The following GRHL3 variants were observed in gnomAD, a reference collection of about 807,000 sequenced individuals.
The protein encoded by GRHL3 is grainyhead-like protein 3 homolog.
In GRHL3, 20 loss-of-function variants were observed where a neutral mutation model predicts 70.3. That is an observed-to-expected ratio of 0.28 (90% CI 0.20 to 0.41). The LOEUF (loss-of-function observed/expected upper bound fraction) is 0.41. Among genes scored for constraint, GRHL3 ranks in the 10% least tolerant of loss-of-function variants. The pLI is 1.00. For synonymous variants in GRHL3, 299 were observed against 299.9 expected (o/e 1.00, Z 0.03); for missense variants, 637 against 762.3 (o/e 0.84, Z 1.94).
rs61772770 is a variant in GRHL3 at position 24,342,574 on chromosome 1, C to T, written c.1207-120C>T. On this transcript the variant is annotated intron_variant, in intron 9 of 15. Transcript: ENST00000361548. This position sits in a 1 kb window ranked among gnomAD's most constrained non-coding sequence, Gnocchi z 4.8. ...TGCTGGTACCTTCCCATTTCCTGGT[C>T]TTGTTCTGGAAAAAAGAAGGACCAG... The T allele has an allele frequency of 1.3e-5, 13 of 1,007,866 alleles. No homozygotes were observed. Among genetic ancestry groups the T allele is most frequent in the Non-Finnish European group, 2.0e-5 (13 of 647,030 alleles). 62.4% of individuals were successfully genotyped at this position (1,007,866 alleles called of 1,614,324 possible). A position where few individuals can be genotyped will look rare whatever the true frequency, so the allele number is the denominator to read the frequency against.
Position 24,342,720 on chromosome 1 carries a change from C to T in GRHL3, c.1233C>T (p.Asp411=), listed in dbSNP as rs140971496. ...DKGAERKMRD[D]ERKQFRRKVK... ...GAGCTGAGAGGAAGATGCGCGATGA[C>T]GAGCGGAAGCAGTTCCGGAGGAAGG... Residue 411 remains aspartate, a synonymous_variant, in exon 10 of 16, where the codon GAC becomes GAT. Transcript: ENST00000361548. This position sits in a 1 kb window ranked among gnomAD's most constrained non-coding sequence, Gnocchi z 4.8. 2.5e-5 allele frequency: 41 copies of T among 1,614,198 alleles called. No individual in the cohort carries two copies. The highest frequency in any genetic ancestry group is 8.3e-5 in the Admixed American group (5 of 60,030).
intron 2 of GRHL3, among the ~76,000 whole-genome samples, chr1:24,333,430 C>T (rs955801615): frequency 1.3e-5 from 2 of 152,168 alleles, no homozygotes; most frequent in African/African-American, 4.8e-5. Flanking sequence ...GCTTTGGAGG[C>T]TATGCTGGGT....
At chr1:24,330,982 G>A (rs1569866141) in intron 1 of GRHL3, among the ~76,000 whole-genome samples, 3 of 152,218 alleles carry the variant, frequency 2.0e-5, no homozygotes, top group Non-Finnish European at 2.9e-5. Context: ...AATGATCTAC[G>A]CCTTCTGTGC....
In GRHL3 at chr1:24,344,916, C is replaced by A. The variant is rs142369311; in HGVS notation, c.1439C>A (p.Pro480His). The A allele has an allele frequency of 8.3e-3, 13,423 of 1,613,544 alleles. 72 individuals are homozygous for A. Among genetic ancestry groups the A allele is most frequent in the Middle Eastern group, 0.019 (117 of 6,054 alleles). ...TTGCAGGCAGCCCCCTCGGCAGGACCCAGCAGCTCCAACAGGTATGGAGAG... is the reference window on the plus strand; with the variant it reads ...TTGCAGGCAGCCCCCTCGGCAGGACACAGCAGCTCCAACAGGTATGGAGAG... ...RSGGAAPSAG[P>H]SSSNRLPLKR... The change falls in exon 12 of 16, where the codon CCC (proline) becomes CAC (histidine). Residue 480 changes from proline to histidine, a missense_variant. Around this residue, in one of 2 missense-constraint regions of GRHL3, gnomAD observed 387 missense variants for 513.8 expected, o/e 0.75. Transcript: ENST00000361548.
At chr1:24,324,783 C>T (rs1271228452) in intron 1 of GRHL3, among the ~76,000 whole-genome samples, 3 of 152,106 alleles carry the variant, frequency 2.0e-5, no homozygotes, top group Non-Finnish European at 4.4e-5. Flanking sequence ...GACCTGGAAC[C>T]CAGGTCTGCA....
downstream of GRHL3, chr1:24,357,768 T>C (rs1640817107): frequency 5.2e-6 from 1 of 192,726 alleles, no homozygotes; most frequent in Admixed American, 5.3e-5. Context: ...TCCCTCCACA[T>C]AGAGAGACGA....
chr1:24,362,238 T>G (rs1641170474), intron 15 of GRHL3, among the ~76,000 whole-genome samples: 1 of 152,234 alleles, frequency 6.6e-6, no homozygotes, highest in Non-Finnish European at 1.5e-5. Flanking sequence ...ACCCAAGTGA[T>G]GTCTTCTTCA....
intron 15 of GRHL3, 115 bp from the exon 16 acceptor site, chr1:24,354,259 G>C: frequency 1.5e-6 from 1 of 663,522 alleles, no homozygotes; most frequent in Non-Finnish European, 2.7e-6. Context: ...TTTGTGAGGT[G>C]CCTAAAATGT....
At chr1:24,350,650 T>C (rs1302560875) in intron 15 of GRHL3, among the ~76,000 whole-genome samples, 1 of 152,148 alleles carries the variant, frequency 6.6e-6, no homozygotes, top group Non-Finnish European at 1.5e-5. Context: ...AACAAAGTTG[T>C]TACTGACAGA....
chr1:24,364,206 A>T, exon 16 of GRHL3: 1 of 1,537,634 alleles, frequency 6.5e-7, no homozygotes, highest in Non-Finnish European at 8.8e-7. Flanking sequence ...TCCTCCACCC[A>T]CGCCTGTCTC....
chr1:24,343,297 C>T (rs1640123204), intron 11 of GRHL3: 1 of 427,960 alleles, frequency 2.3e-6, no homozygotes. Context: ...TGATATCTGA[C>T]CCCAAATTTG....
In GRHL3 at chr1:24,336,575, C is replaced by A. The variant is rs1222179569; in HGVS notation, c.360C>A (p.Thr120=). 2 of 1,613,964 alleles carry A rather than the reference C, an allele frequency of 1.2e-6. No individual in the cohort carries two copies. The highest frequency in any genetic ancestry group is 1.7e-5 in the Admixed American group (1 of 60,026). The part of the protein sequence containing the change: ...MKFLTENVSG[T]PEYPDLLKKN... ...TCCTGACAGAGAACGTGTCTGGAACCCCAGAGTACCCAGATTTGCTCAAGA... is the reference window on the plus strand; with the variant it reads ...TCCTGACAGAGAACGTGTCTGGAACACCAGAGTACCCAGATTTGCTCAAGA... Residue 120 remains threonine, a synonymous_variant, in exon 4 of 16, where the codon ACC becomes ACA. Transcript: ENST00000361548.
chr1:24,338,168 C>G lies in GRHL3; in HGVS notation c.952+65C>G, dbSNP rs1034112521. ...TCTCCCCACCCCCGCATCAATCAGG[C>G]CTTTTTCTTACTCACCCCTGTTTCC... is the stretch of plus-strand genomic sequence containing the variant. On this transcript the variant is annotated intron_variant, in intron 7 of 15. Transcript: ENST00000361548. 2.7e-6 allele frequency: 3 copies of G among 1,107,780 alleles called. No homozygotes were observed. In the African/African-American group the frequency reaches 4.7e-5, roughly 17 times the overall value. 68.6% of individuals were successfully genotyped at this position (1,107,780 alleles called of 1,614,324 possible).
intron 1 of GRHL3, among the ~76,000 whole-genome samples, chr1:24,324,563 CAGTA>C (rs1177091633): frequency 6.6e-6 from 1 of 152,226 alleles, no homozygotes; most frequent in Non-Finnish European, 1.5e-5. Flanking sequence ...CATCTTCCAA[CAGTA>C]ATACTTCACA....
Position 24,319,412 on chromosome 1 carries a change from C to A in GRHL3, c.-140C>A. The A allele has an allele frequency of 1.1e-6, 1 of 920,908 alleles. No individual in the cohort carries two copies. The highest frequency in any genetic ancestry group is 1.8e-6 in the Non-Finnish European group (1 of 560,040). The allele number at this position is 920,908 out of a possible 1,614,324, so 57.0% of individuals were successfully genotyped here. On this transcript the variant is annotated 5_prime_UTR_variant, in exon 1 of 16. It adds an upstream start codon to the 5' untranslated region. Transcript: ENST00000361548. ...AGCGCCAGCGCTGCTGGGAACCTAC[C>A]TGTCAGCAAAATCTCGACACCCAAA... is the stretch of plus-strand genomic sequence containing the variant.
At chr1:24,336,907 G>GAGCTT in intron 4 of GRHL3, 80 bp downstream of exon 4, 1 of 1,341,986 alleles carries the variant, frequency 7.5e-7, no homozygotes, top group South Asian at 1.3e-5. Context: ...GAACAGATCA[G>GAGCTT]AGCTTTGGAA....
At chr1:24,358,661 G>A (rs752772283), downstream of GRHL3, 8 of 1,473,656 alleles carry the variant, frequency 5.4e-6, no homozygotes, top group African/African-American at 5.6e-5. Flanking sequence ...GAGAGAAAAG[G>A]CCCATTGCTG....
In GRHL3 at chr1:24,344,485, G is replaced by GA. The variant is rs57193515; in HGVS notation, c.1420-383dup. On this transcript the variant is annotated intron_variant, in intron 11 of 15. Transcript: ENST00000361548. ...CAGCCTGGGAGACTCTTTCCCCCCA[G>GA]AAAAAAAAAAAAAAAAAAAAAAAAA... Among the ~76,000 whole-genome samples the GA allele has an allele frequency of 9.0e-3, 502 of 55,784 alleles. 28 individuals carry two copies. Among genetic ancestry groups the GA allele is most frequent in the Admixed American group, 0.046 (160 of 3,496 alleles). The allele number at this position is 55,784 out of a possible 152,430, so 36.6% of individuals were successfully genotyped here.
chr1:24,325,910 G>C (rs1373161656), intron 1 of GRHL3, among the ~76,000 whole-genome samples: 2 of 152,244 alleles, frequency 1.3e-5, no homozygotes, highest in Non-Finnish European at 2.9e-5. Context: ...AGGCGGCTCT[G>C]TGAAGGTTCT....
Sources: allele counts gnomAD v4.1 joint callset (sites outside exome capture counted in the v4.1 genomes callset), GRCh38; gene constraint gnomAD v4.1.1; regional missense constraint gnomAD v4.1.1; non-coding constraint Gnocchi (gnomAD v3.1); transcripts MANE v1.5; gene names NCBI Gene and HGNC (gene_info 2026-07-23, HGNC 2026-07-21).